The following WDR73 variants were observed in gnomAD, a reference collection of about 807,000 sequenced individuals.
WDR73 encodes WD repeat domain 73.
A neutral mutation model predicts 38.2 loss-of-function variants in WDR73; 30 were observed. The ratio of observed to expected loss-of-function variants is 0.79; its 90% CI spans 0.59 to 1.06. The LOEUF (loss-of-function observed/expected upper bound fraction) is 1.06, where lower values mean the gene tolerates loss of function less well. WDR73 is among the 50% of genes least tolerant of loss of function. The pLI, the probability that WDR73 is intolerant of heterozygous loss-of-function variation, is 0.00. For synonymous variants in WDR73, 197 were observed against 176.0 expected (o/e 1.12, Z -0.94); for missense variants, 487 against 467.0 (o/e 1.04, Z -0.40).
At chr15:84,644,930 T>C (rs1896396380) in intron 7 of WDR73, 3 of 152,434 alleles carry the variant, frequency 2.0e-5, no homozygotes, top group Admixed American at 1.9e-4. Flanking sequence ...TGAGGTGCTG[T>C]CCCTGCTGCT....
chr15:84,643,696 T>C lies in WDR73; in HGVS notation c.911A>G (p.Asp304Gly). The C allele has an allele frequency of 6.2e-7, 1 of 1,613,278 alleles. No homozygotes were observed. Among genetic ancestry groups the C allele is most frequent in the Non-Finnish European group, 8.5e-7 (1 of 1,179,554 alleles). ...CCGTGTTCCATCCCAAGATGTGGCA[T>C]CATAGACCTGGACTGTACCATCAAA... ...SGFDGTVQVY[D>G]ATSWDGTRSQ... Residue 304 changes from aspartate to glycine, a missense_variant, in exon 8 of 8, where the codon GAT (aspartate) becomes GGT (glycine). Physicochemically the swap from Asp to Gly is moderately conservative, Grantham distance 94. Transcript: ENST00000434634.
chr15:84,652,110 C>T (rs536751808), intron 3 of WDR73, among the ~76,000 whole-genome samples: 1 of 152,316 alleles, frequency 6.6e-6, no homozygotes, highest in South Asian at 2.1e-4. Flanking sequence ...TCATGATCCG[C>T]CCAACTCGGC....
At position 84,645,462 on chromosome 15, in the gene WDR73, C is replaced by G. The variant is rs780294807; in HGVS notation, c.883+9G>C. 1 of 1,611,168 alleles carries G rather than the reference C, an allele frequency of 6.2e-7. No homozygotes were observed. Among genetic ancestry groups the G allele is most frequent in the Non-Finnish European group, 8.5e-7 (1 of 1,178,384 alleles). Reference sequence around the variant, plus strand: ...TCAGATAACAAGACGAAATCCTGCTCGGCAGTACCTGAGATGGCCAAGCAA... The same window carrying G: ...TCAGATAACAAGACGAAATCCTGCTGGGCAGTACCTGAGATGGCCAAGCAA... On this transcript the variant is annotated intron_variant, in intron 7 of 7. Coordinates refer to ENST00000434634, the MANE Select transcript of WDR73 (RefSeq NM_032856.5).
chr15:84,651,234 G>A (rs1896614593), intron 3 of WDR73, among the ~76,000 whole-genome samples: 2 of 152,016 alleles, frequency 1.3e-5, no homozygotes, highest in Non-Finnish European at 2.9e-5. Flanking sequence ...AGACCAGCCT[G>A]GCCAACACAG....
chr15:84,652,702 AT>A lies in WDR73; in HGVS notation c.198+11del. ...AAAAGTTGACATACTCAGCATTTAT[AT>A]TTTAAGTTACCTTGTTTTCCTTTAC... On this transcript the variant is annotated intron_variant, in intron 3 of 7. Coordinates refer to ENST00000434634, the MANE Select transcript of WDR73 (RefSeq NM_032856.5). 1 of 1,429,730 alleles carries A rather than the reference AT, an allele frequency of 7.0e-7. No homozygotes were observed. Among genetic ancestry groups the A allele is most frequent in the East Asian group, 2.5e-5 (1 of 39,486 alleles). 88.6% of individuals were successfully genotyped at this position (1,429,730 alleles called of 1,614,324 possible).
intron 7 of WDR73, 22 bp from the exon 8 acceptor site, chr15:84,643,745 G>A: frequency 6.3e-7 from 1 of 1,592,860 alleles, no homozygotes; most frequent in East Asian, 2.2e-5. Context: ...GAAAAGAGAG[G>A]CTTGACAATG....
chr15:84,646,048 C>G (rs756467587), intron 6 of WDR73, 136 bp downstream of exon 6: 4 of 1,547,462 alleles, frequency 2.6e-6, no homozygotes. Flanking sequence ...CCCTTAGAGG[C>G]CAGGGCTTAC....
chr15:84,650,814 A>G (rs1261416819), intron 3 of WDR73, among the ~76,000 whole-genome samples: 1 of 152,120 alleles, frequency 6.6e-6, no homozygotes, highest in East Asian at 1.9e-4. Flanking sequence ...TTCCTATTTC[A>G]TTAAATAATT....
intron 5 of WDR73, 138 bp downstream of exon 5, chr15:84,647,752 C>G: frequency 1.2e-6 from 1 of 810,718 alleles, no homozygotes; most frequent in Non-Finnish European, 2.1e-6. Context: ...CCAGCTCAGC[C>G]TCCCAAAGTG....
intron 3 of WDR73, among the ~76,000 whole-genome samples, chr15:84,652,108 C>T (rs1020151089): frequency 4.2e-4 from 64 of 152,272 alleles, no homozygotes; most frequent in African/African-American, 1.3e-3. Flanking sequence ...CCTCATGATC[C>T]GCCCAACTCG....
At chr15:84,649,766 G>C (rs1896569074) in intron 3 of WDR73, among the ~76,000 whole-genome samples, 1 of 152,004 alleles carries the variant, frequency 6.6e-6, no homozygotes, top group Non-Finnish European at 1.5e-5. Flanking sequence ...CACCACACCT[G>C]GTCTTTTTTA....
Position 84,643,751 on chromosome 15 carries a change from C to T in WDR73, c.884-28G>A, listed in dbSNP as rs200566121. The T allele has an allele frequency of 3.8e-5, 60 of 1,583,598 alleles. No individual in the cohort carries two copies. In the East Asian group the frequency reaches 1.2e-3, roughly 31 times the overall value. On this transcript the variant is annotated intron_variant, in intron 7 of 7. Transcript: ENST00000434634. Reference sequence around the variant, plus strand: ...GAGAATACAGAAAAGAGAGGCTTGACAATGAGTCCCTAATTTTATTTTAAA... The same window carrying T: ...GAGAATACAGAAAAGAGAGGCTTGATAATGAGTCCCTAATTTTATTTTAAA...
intron 5 of WDR73, 141 bp from the exon 6 acceptor site, chr15:84,646,489 A>C (rs1044084724): frequency 1.6e-6 from 2 of 1,250,538 alleles, no homozygotes; most frequent in African/African-American, 3.0e-5. Flanking sequence ...ATGTTGAGAC[A>C]TAACTACTCT....
Position 84,641,353 on chromosome 15 carries a change from G to A in WDR73, c.*2117C>T, listed in dbSNP as rs1249143529. ...AGCCAGCACTGGTTAAGGGCTGAGGGGAACCAGGCACTCAGTGCACCCAGT... is the reference window on the plus strand; with the variant it reads ...AGCCAGCACTGGTTAAGGGCTGAGGAGAACCAGGCACTCAGTGCACCCAGT... On this transcript the variant is annotated 3_prime_UTR_variant, in exon 8 of 8. Transcript: ENST00000434634. 1 of 152,186 alleles carries A rather than the reference G, an allele frequency of 6.6e-6. No homozygotes were observed. The highest frequency in any genetic ancestry group is 2.4e-5 in the African/African-American group (1 of 41,446). 9.4% of individuals were successfully genotyped at this position (152,186 alleles called of 1,614,324 possible).
At chr15:84,645,871 G>A in intron 6 of WDR73, 35 bp from the exon 7 acceptor site, 1 of 1,612,516 alleles carries the variant, frequency 6.2e-7, no homozygotes, top group Non-Finnish European at 8.5e-7. Flanking sequence ...CAAGCGGCTG[G>A]AGGCAGATGG....
At position 84,648,559 on chromosome 15, in the gene WDR73, G is replaced by T. The variant is rs776924695; in HGVS notation, c.265C>A (p.Leu89Ile). 3 of 1,613,804 alleles carry T rather than the reference G, an allele frequency of 1.9e-6. No homozygotes were observed. The highest frequency in any genetic ancestry group is 2.5e-6 in the Non-Finnish European group (3 of 1,179,742). Residue 89 changes from leucine to isoleucine, a missense_variant, in exon 4 of 8, where the codon CTA becomes ATA. Coordinates refer to ENST00000434634, the MANE Select transcript of WDR73 (RefSeq NM_032856.5). ...TACCTGGTATGTGGCACATGCTTTA[G>T]ATCAAAGATAGACCTGTCTGAAAAT... ...GGFSDRSIFD[L>I]KHVPHTRLLV... is the part of the protein sequence containing the mutation.
In WDR73 at chr15:84,641,904, C is replaced by G. The variant is rs1053320815; in HGVS notation, c.*1566G>C. 6.6e-6 allele frequency: 1 copy of G among 152,006 alleles called. No homozygotes were observed. The highest frequency in any genetic ancestry group is 1.5e-5 in the Non-Finnish European group (1 of 68,014). The allele number at this position is 152,006 out of a possible 1,614,324, so 9.4% of individuals were successfully genotyped here. On this transcript the variant is annotated 3_prime_UTR_variant, in exon 8 of 8. Transcript: ENST00000434634. The stretch of plus-strand genomic sequence containing the variant: ...TTAGAGACAGGGGTTCACCATGGTG[C>G]CCAGGCTGATCTCGAACTCCTCCTG...
intron 5 of WDR73, 99 bp from the exon 6 acceptor site, chr15:84,646,447 G>A: frequency 1.3e-6 from 2 of 1,496,886 alleles, no homozygotes. Context: ...GAAGATCAAG[G>A]AAGAAAAGGA....
intron 2 of WDR73, 60 bp downstream of exon 2, chr15:84,653,572 T>C (rs1438910088): frequency 7.2e-7 from 1 of 1,397,602 alleles, no homozygotes; most frequent in Non-Finnish European, 9.9e-7. Context: ...TAGGCTTAGC[T>C]CCTGAAACCC....
Sources: gnomAD v4.1 joint callset for allele counts (sites outside exome capture counted in the v4.1 genomes callset) on GRCh38, gnomAD v4.1.1 for gene constraint, MANE v1.5 for transcripts, NCBI Gene and HGNC (gene_info 2026-07-23, HGNC 2026-07-21) for gene names.